Variants in IBA57 observed in about 807,000 individuals in gnomAD.
IBA57 encodes iron-sulfur cluster assembly factor IBA57, mitochondrial.
In IBA57, 20 loss-of-function variants were observed where a neutral mutation model predicts 20.4. That is an observed-to-expected ratio of 0.98 (90% CI 0.69 to 1.42). The LOEUF (loss-of-function observed/expected upper bound fraction) is 1.42, where lower values mean the gene tolerates loss of function less well. Among genes scored for constraint, IBA57 ranks in the 40% most tolerant of loss-of-function variants. IBA57 has a pLI of 0.00. For missense variants in IBA57, 608 were observed against 499.3 expected, an observed-to-expected ratio of 1.22 and a Z score of -2.07; for synonymous variants, 310 against 233.9, an observed-to-expected ratio of 1.33 and a Z score of -2.97.
chr1:228,166,257 C>G, intron 1 of IBA57, 100 bp downstream of exon 1: 92 of 96,362 alleles, frequency 9.5e-4, no homozygotes, highest in South Asian at 4.3e-3. Context: ...CTGCAGAGGG[C>G]GTGGGGGGTG....
At position 228,179,983 on chromosome 1, in the gene IBA57, C is replaced by T. The variant is rs1373281743; in HGVS notation, c.*4470C>T. On this transcript the variant is annotated 3_prime_UTR_variant, in exon 3 of 3. Transcript: ENST00000366711. ...CCAGCCTGATCAACATGGTGAAACCCTGTCTCTACTAAAAATATAAAAATT... is the reference window on the plus strand; with the variant it reads ...CCAGCCTGATCAACATGGTGAAACCTTGTCTCTACTAAAAATATAAAAATT... The T allele has an allele frequency of 1.3e-5, 2 of 151,788 alleles. No individual in the cohort carries two copies. Among genetic ancestry groups the T allele is most frequent in the Non-Finnish European group, 2.9e-5 (2 of 67,990 alleles). The allele number at this position is 151,788 out of a possible 1,614,324, so 9.4% of individuals were successfully genotyped here. A position where few individuals can be genotyped will look rare whatever the true frequency, so the allele number is the denominator to read the frequency against.
chr1:228,173,920 G>C (rs952313145), intron 1 of IBA57, among the ~76,000 whole-genome samples: 2 of 152,250 alleles, frequency 1.3e-5, no homozygotes, highest in Non-Finnish European at 2.9e-5. Flanking sequence ...GCTTAGACGA[G>C]AGCTCCGGAG....
chr1:228,168,093 T>C (rs1481640330), intron 1 of IBA57, among the ~76,000 whole-genome samples: 1 of 152,174 alleles, frequency 6.6e-6, no homozygotes, highest in Non-Finnish European at 1.5e-5. Flanking sequence ...TATGCGTGGA[T>C]TTTCCTTCAC....
chr1:228,175,777 G>T lies in IBA57; in HGVS notation c.*264G>T, dbSNP rs115014069. On this transcript the variant is annotated 3_prime_UTR_variant, in exon 3 of 3. Transcript: ENST00000366711. ...AGTGCTGGGCTCCAGATGGCGCCGG[G>T]TCCCAATCGTGGCTCCACACAGGGT... 3.7e-4 allele frequency: 144 copies of T among 389,652 alleles called. No homozygotes were observed. Among genetic ancestry groups the T allele is most frequent in the African/African-American group, 2.7e-3 (132 of 48,612 alleles). The allele number at this position is 389,652 out of a possible 1,614,324, so 24.1% of individuals were successfully genotyped here.
chr1:228,165,920 C>T lies in IBA57; in HGVS notation c.104C>T (p.Ser35Phe), dbSNP rs984974466. The T allele has an allele frequency of 5.0e-5, 74 of 1,481,932 alleles. No individual in the cohort carries two copies. The highest frequency in any genetic ancestry group is 6.3e-5 in the Non-Finnish European group (71 of 1,122,282). 91.8% of individuals were successfully genotyped at this position (1,481,932 alleles called of 1,614,324 possible). A position where few individuals can be genotyped will look rare whatever the true frequency, so the allele number is the denominator to read the frequency against. ...AAPRCRLAHS[S>F]CSPGGDPTAG... ...CCAAGGTGCCGCCTGGCCCACAGCT[C>T]CTGCAGTCCTGGTGGCGACCCAACG... The change falls in exon 1 of 3, where the codon TCC becomes TTC. Residue 35 changes from serine (S) to phenylalanine (F), a missense_variant. Ser to Phe is a radical substitution (Grantham distance 155). Coordinates refer to ENST00000366711, the MANE Select transcript of IBA57 (RefSeq NM_001010867.4).
At position 228,165,825 on chromosome 1, in the gene IBA57, C is replaced by A; in HGVS notation, c.9C>A (p.Thr3=). The A allele has an allele frequency of 2.3e-6, 3 of 1,301,080 alleles. No homozygotes were observed. Among genetic ancestry groups the A allele is most frequent in the Non-Finnish European group, 9.7e-7 (1 of 1,029,274 alleles). 80.6% of individuals were successfully genotyped at this position (1,301,080 alleles called of 1,614,324 possible). MA[T]AALLRGATPG... is the part of the protein sequence containing the mutation. ...CCCCACTCTTGTCCAAGATGGCGAC[C>A]GCGGCGCTGCTTCGAGGCGCCACTC... The change falls in exon 1 of 3, where the codon ACC becomes ACA. Residue 3 remains threonine, a synonymous_variant. Transcript: ENST00000366711.
Position 228,165,969 on chromosome 1 carries a change from CCGG to C in IBA57, c.155_157del (p.Arg52del), listed in dbSNP as rs2034843808. 6.6e-7 allele frequency: 1 copy of C among 1,516,328 alleles called. No individual in the cohort carries two copies. Among genetic ancestry groups the C allele is most frequent in the African/African-American group, 1.4e-5 (1 of 70,004 alleles). The allele number at this position is 1,516,328 out of a possible 1,614,324, so 93.9% of individuals were successfully genotyped here. ...CGGCCGGAGCGGCCTGGGCCTGCTT[CCGG>C]CTGGACGGGCGCACCCTGCTGCGCG... is the stretch of plus-strand genomic sequence containing the variant. On this transcript the variant is annotated inframe_deletion, in exon 1 of 3. Coordinates refer to ENST00000366711, the MANE Select transcript of IBA57 (RefSeq NM_001010867.4).
chr1:228,179,232 G>C lies in IBA57; in HGVS notation c.*3719G>C, dbSNP rs2035072647. On this transcript the variant is annotated 3_prime_UTR_variant, in exon 3 of 3. Coordinates refer to ENST00000366711, the MANE Select transcript of IBA57 (RefSeq NM_001010867.4). ...CAATGTTCTGATCTTAGAGTAAGCA[G>C]ACACATCACATGGAATGAGGATGTT... The C allele has an allele frequency of 6.6e-6, 1 of 151,906 alleles. No individual in the cohort carries two copies. Among genetic ancestry groups the C allele is most frequent in the South Asian group, 2.1e-4 (1 of 4,826 alleles). 9.4% of individuals were successfully genotyped at this position (151,906 alleles called of 1,614,324 possible).
chr1:228,165,935 G>A lies in IBA57; in HGVS notation c.119G>A (p.Gly40Asp), dbSNP rs779428142. ...GCCCACAGCTCCTGCAGTCCTGGTG[G>A]CGACCCAACGGCCGGAGCGGCCTGG... ...RLAHSSCSPG[G>D]DPTAGAAWAC... Residue 40 changes from glycine to aspartate, a missense_variant, in exon 1 of 3, where the codon GGC becomes GAC. Coordinates refer to ENST00000366711, the MANE Select transcript of IBA57 (RefSeq NM_001010867.4). 3 of 1,500,818 alleles carry A rather than the reference G, an allele frequency of 2.0e-6. No homozygotes were observed. In the South Asian group the frequency reaches 3.7e-5, roughly 19 times the overall value. The allele number at this position is 1,500,818 out of a possible 1,614,324, so 93.0% of individuals were successfully genotyped here. A position where few individuals can be genotyped will look rare whatever the true frequency, so the allele number is the denominator to read the frequency against.
At position 228,181,602 on chromosome 1, in the gene IBA57, C is replaced by T. The variant is rs149748472; in HGVS notation, c.*6089C>T. Reference sequence around the variant, plus strand: ...CACTTGCACAGGTTGTGTGTACATACATTTTCCTGTCTTTCTGGTAAGCCC... The same window carrying T: ...CACTTGCACAGGTTGTGTGTACATATATTTTCCTGTCTTTCTGGTAAGCCC... On this transcript the variant is annotated 3_prime_UTR_variant, in exon 3 of 3. Coordinates refer to ENST00000366711, the MANE Select transcript of IBA57 (RefSeq NM_001010867.4). 3.9e-5 allele frequency: 6 copies of T among 152,366 alleles called. No individual in the cohort carries two copies. The highest frequency in any genetic ancestry group is 7.3e-5 in the Non-Finnish European group (5 of 68,042). The allele number at this position is 152,366 out of a possible 1,614,324, so 9.4% of individuals were successfully genotyped here.
At position 228,174,699 on chromosome 1, in the gene IBA57, G is replaced by A. The variant is rs2034979706; in HGVS notation, c.349G>A (p.Glu117Lys). ...LYDVILYGLQ[E>K]HSEVSGFLLE... ...CTGCCTCTCTCCCTGCAGGCTCCAG[G>A]AACACTCGGAGGTGTCTGGCTTCCT... Residue 117 changes from glutamate to lysine, a missense_variant, in exon 2 of 3, where the codon GAA (glutamate) becomes AAA (lysine). By Grantham distance (56) the Glu-to-Lys change is moderately conservative. Transcript: ENST00000366711. 1.9e-6 allele frequency: 3 copies of A among 1,562,108 alleles called. No homozygotes were observed. The highest frequency in any genetic ancestry group is 2.6e-6 in the Non-Finnish European group (3 of 1,155,904).
At chr1:228,169,754 T>C (rs2034898923) in intron 1 of IBA57, among the ~76,000 whole-genome samples, 1 of 152,252 alleles carries the variant, frequency 6.6e-6, no homozygotes, top group African/African-American at 2.4e-5. Context: ...CATAGTTTCA[T>C]GCTTTCCAGA....
At chr1:228,171,838 C>T in intron 1 of IBA57, 1 of 153,342 alleles carries the variant, frequency 6.5e-6, no homozygotes, top group Non-Finnish European at 1.5e-5. Context: ...CCCTGCCTGT[C>T]CGGCGCCCAG....
Position 228,168,882 on chromosome 1 carries a change from G to A in IBA57, c.341+2725G>A, listed in dbSNP as rs370372557. On this transcript the variant is annotated intron_variant, in intron 1 of 2. Transcript: ENST00000366711. ...ATTCAGCATCTGTGTAATAATACTT[G>A]AAACCCTCTAGCTTCAGTTCTGTTG... Among the ~76,000 whole-genome samples the A allele has an allele frequency of 3.6e-4, 55 of 152,254 alleles. No homozygotes were observed. The South Asian group carries it at 6.0e-3, about 17-fold the overall frequency.
intron 1 of IBA57, chr1:228,171,548 T>G (rs1193092100): frequency 6.6e-6 from 1 of 152,220 alleles, no homozygotes; most frequent in Non-Finnish European, 1.5e-5. Context: ...TCAGCATGGG[T>G]GGGGGTTCCT....
chr1:228,166,148 T>G lies in IBA57; in HGVS notation c.332T>G (p.Ile111Ser). 6.6e-7 allele frequency: 1 copy of G among 1,512,654 alleles called. No homozygotes were observed. The allele number at this position is 1,512,654 out of a possible 1,614,324, so 93.7% of individuals were successfully genotyped here. A position where few individuals can be genotyped will look rare whatever the true frequency, so the allele number is the denominator to read the frequency against. The change falls in exon 1 of 3, where the codon ATC becomes AGC. Residue 111 changes from isoleucine (I) to serine (S), a missense_variant. Physicochemically the swap from Ile to Ser is moderately radical, Grantham distance 142 (BLOSUM62 -2). Transcript: ENST00000366711. ...NVQGRTLYDV[I>S]LYGLQEHSEV... is the part of the protein sequence containing the mutation. ...CAGGGCCGGACGCTCTATGACGTCA[T>G]CTTGTACGGGTGAGCGCGTGCTGGG...
intron 1 of IBA57, chr1:228,172,171 G>A (rs540729625): frequency 9.9e-5 from 15 of 151,570 alleles, no homozygotes; most frequent in Admixed American, 9.8e-4. Context: ...CAAAACCCGT[G>A]GGAGAGATCG....
rs1377644562 is a variant in IBA57, at chr1:228,180,687, C to G, written c.*5174C>G. 1 of 151,106 alleles carries G rather than the reference C, an allele frequency of 6.6e-6. No homozygotes were observed. The allele number at this position is 151,106 out of a possible 1,614,324, so 9.4% of individuals were successfully genotyped here. On this transcript the variant is annotated 3_prime_UTR_variant, in exon 3 of 3. Transcript: ENST00000366711. ...TTTTTGAGACAGAGTCTCACTCTTG[C>G]CCAGGCTGGAGTGGAGTGGCATAAA...
chr1:228,170,087 TC>T lies in IBA57; in HGVS notation c.341+3931del, dbSNP rs2034902153. On this transcript the variant is annotated intron_variant, in intron 1 of 2. Coordinates refer to ENST00000366711, the MANE Select transcript of IBA57 (RefSeq NM_001010867.4). This position sits in a 1 kb window ranked among gnomAD's most constrained non-coding sequence, Gnocchi z 4.8. ...GGTTTCACCATGTTGGTCAGGCTGG[TC>T]TCGAACTACTGACCTCATGATCCGC... 6.6e-6 allele frequency among the ~76,000 whole-genome samples: 1 copy of T among 152,150 alleles called. No homozygotes were observed. Among genetic ancestry groups the T allele is most frequent in the Admixed American group, 6.5e-5 (1 of 15,272 alleles).
Sources: gnomAD v4.1 joint callset for allele counts (sites outside exome capture counted in the v4.1 genomes callset) on GRCh38, gnomAD v4.1.1 for gene constraint, Gnocchi (gnomAD v3.1) non-coding constraint, MANE v1.5 for transcripts, NCBI Gene and HGNC (gene_info 2026-07-23, HGNC 2026-07-21) for gene names.